Variants in KAT6B observed in about 807,000 individuals in gnomAD.
The protein encoded by KAT6B is histone acetyltransferase KAT6B.
A neutral mutation model predicts 187.5 loss-of-function variants in KAT6B; 10 were observed. The observed-to-expected ratio is 0.05, with a 90% CI of 0.03 to 0.09. KAT6B has a LOEUF of 0.09. Among genes scored for constraint, KAT6B ranks in the 10% least tolerant of loss-of-function variants. The pLI, the probability that KAT6B is intolerant of heterozygous loss-of-function variation, is 1.00. For missense variants in KAT6B, 1,952 were observed against 2,558.9 expected, an observed-to-expected ratio of 0.76 and a Z score of 5.12; for synonymous variants, 861 against 926.8, an observed-to-expected ratio of 0.93 and a Z score of 1.29.
At chr10:74,979,798 G>A (rs913349590) in intron 10 of KAT6B, among the ~76,000 whole-genome samples, 1 of 152,168 alleles carries the variant, frequency 6.6e-6, no homozygotes, top group African/African-American at 2.4e-5. Flanking sequence ...AAAAATGGGA[G>A]AAAGTAAGTG....
In KAT6B at chr10:74,852,775, T is replaced by C. The variant is rs184713504; in HGVS notation, c.621+9297T>C. On this transcript the variant is annotated intron_variant, in intron 3 of 17. Transcript: ENST00000287239. ...AATGTTAAACATTCTTTTAACTCTTTGGATCTTAGATAGATTTGATAGTTG... is the reference window on the plus strand; with the variant it reads ...AATGTTAAACATTCTTTTAACTCTTCGGATCTTAGATAGATTTGATAGTTG... 2.4e-4 allele frequency among the ~76,000 whole-genome samples: 37 copies of C among 152,350 alleles called. No homozygotes were observed. The East Asian group carries it at 7.1e-3, about 29-fold the overall frequency.
intron 3 of KAT6B, among the ~76,000 whole-genome samples, chr10:74,909,724 C>T (rs2132887879): frequency 6.6e-6 from 1 of 152,246 alleles, no homozygotes; most frequent in Non-Finnish European, 1.5e-5. Flanking sequence ...CTACAGCAGA[C>T]CTAAATTTCT....
chr10:75,030,987 G>A lies in KAT6B; in HGVS notation c.6163G>A (p.Gly2055Ser), dbSNP rs201636977. The change falls in exon 18 of 18, where the codon GGC (glycine) becomes AGC (serine). Residue 2055 changes from glycine (G) to serine (S), a missense_variant. Around this residue, in one of 9 missense-constraint regions of KAT6B, gnomAD observed 358 missense variants for 436.3 expected, o/e 0.82. Transcript: ENST00000287239. This position sits in a 1 kb window ranked among gnomAD's most constrained non-coding sequence, Gnocchi z 4.8. ...GATGTACACGGCCCCCGGACATCAC[G>A]GCTACATGAACACAGGCATGTCCAA... ...NMMYTAPGHHGYMNTGMSKQS... is the reference protein window; with the variant it reads ...NMMYTAPGHHSYMNTGMSKQS... The A allele has an allele frequency of 5.6e-6, 9 of 1,614,078 alleles. No homozygotes were observed. Among genetic ancestry groups the A allele is most frequent in the East Asian group, 4.5e-5 (2 of 44,886 alleles).
At chr10:74,944,913 C>T (rs1850006672) in intron 3 of KAT6B, among the ~76,000 whole-genome samples, 1 of 150,962 alleles carries the variant, frequency 6.6e-6, no homozygotes, top group Non-Finnish European at 1.5e-5. Flanking sequence ...AATACCATAC[C>T]AAGTGCAACT....
At chr10:74,847,371 A>AT (rs749237731) in intron 3 of KAT6B, among the ~76,000 whole-genome samples, 55 of 152,184 alleles carry the variant, frequency 3.6e-4, no homozygotes, top group Non-Finnish European at 7.6e-4. Context: ...ATGAAATAGC[A>AT]TTTTTTTCCA....
chr10:74,890,012 T>C (rs1014971348), intron 3 of KAT6B, among the ~76,000 whole-genome samples: 1 of 151,716 alleles, frequency 6.6e-6, no homozygotes, highest in African/African-American at 2.4e-5. Context: ...AGCTGGTCAC[T>C]GTAGGAAAGG....
chr10:75,021,980 T>C lies in KAT6B; in HGVS notation c.3121T>C (p.Ser1041Pro). 6.2e-7 allele frequency: 1 copy of C among 1,613,868 alleles called. No homozygotes were observed. Among genetic ancestry groups the C allele is most frequent in the Non-Finnish European group, 8.5e-7 (1 of 1,179,982 alleles). ...TAGGCAATCACCTGCAAAAGTACAA[T>C]CGAAAAATAAATATTTGCATTCCCC... ...NSRQSPAKVQ[S>P]KNKYLHSPES... The change falls in exon 16 of 18, where the codon TCG becomes CCG. Residue 1041 changes from serine (S) to proline (P), a missense_variant. By Grantham distance (74) the Ser-to-Pro change is moderately conservative. Transcript: ENST00000287239.
intron 13 of KAT6B, among the ~76,000 whole-genome samples, chr10:74,997,849 C>T (rs1475205398): frequency 3.3e-5 from 5 of 151,946 alleles, no homozygotes; most frequent in African/African-American, 7.3e-5. Flanking sequence ...CAGTGGCTCA[C>T]GCCTGTAATC....
At chr10:74,974,571 G>A (rs1351418354) in intron 7 of KAT6B, among the ~76,000 whole-genome samples, 4 of 152,186 alleles carry the variant, frequency 2.6e-5, no homozygotes, top group Admixed American at 6.5e-5. Flanking sequence ...GTAAGCAGCT[G>A]TGTTAGCGAG....
chr10:74,851,664 A>C (rs151125091), intron 3 of KAT6B, among the ~76,000 whole-genome samples: 1 of 152,288 alleles, frequency 6.6e-6, no homozygotes, highest in Admixed American at 6.5e-5. Context: ...TCAGATGATC[A>C]GAAATGGGGT....
In KAT6B at chr10:74,842,884, T is replaced by C. The variant is rs1230075335; in HGVS notation, c.27T>C (p.Tyr9=). ...TGGTAAAACTTGCAAACCCACTTTA[T>C]ACAGAGTGGATTCTTGAAGCTATAC... MVKLANPL[Y]TEWILEAIQK... is the part of the protein sequence containing the mutation. The change falls in exon 3 of 18, where the codon TAT becomes TAC. Residue 9 remains tyrosine, a synonymous_variant. Transcript: ENST00000287239. 9.3e-6 allele frequency: 15 copies of C among 1,614,100 alleles called. No individual in the cohort carries two copies. The highest frequency in any genetic ancestry group is 1.0e-5 in the Non-Finnish European group (12 of 1,180,050).
At chr10:74,939,679 G>C (rs372453841) in intron 3 of KAT6B, among the ~76,000 whole-genome samples, 30 of 152,208 alleles carry the variant, frequency 2.0e-4, no homozygotes, top group African/African-American at 7.2e-4. Flanking sequence ...GATTACAGGC[G>C]TGAGCCACTG....
chr10:74,862,771 C>G (rs1299905037), intron 3 of KAT6B, among the ~76,000 whole-genome samples: 1 of 152,118 alleles, frequency 6.6e-6, no homozygotes, highest in Non-Finnish European at 1.5e-5. Context: ...TAGCACTGAC[C>G]ACACTGGGAT....
chr10:74,874,774 T>C (rs1439851803), intron 3 of KAT6B, among the ~76,000 whole-genome samples: 1 of 152,120 alleles, frequency 6.6e-6, no homozygotes, highest in Admixed American at 6.6e-5. Flanking sequence ...AGTTACTTCT[T>C]TGTGTGAGAT....
At chr10:74,938,613 A>C (rs993886473) in intron 3 of KAT6B, among the ~76,000 whole-genome samples, 2 of 152,200 alleles carry the variant, frequency 1.3e-5, no homozygotes, top group African/African-American at 4.8e-5. Context: ...TGAATATGGA[A>C]AGGAATACTG....
rs529021120 is a variant in KAT6B at position 74,829,891 on chromosome 10, G to A, written c.-329+3106G>A. 8.6e-5 allele frequency among the ~76,000 whole-genome samples: 13 copies of A among 151,546 alleles called. No individual in the cohort carries two copies. In the South Asian group the frequency reaches 2.7e-3, roughly 32 times the overall value. On this transcript the variant is annotated intron_variant, in intron 1 of 17. Transcript: ENST00000287239. ...AAATTAGCTGGGCATGGTGGCGGGC[G>A]CCTGTAGTCCCAGCTGCTCAGGAGG...
At chr10:74,830,770 T>TA (rs60886313) in intron 1 of KAT6B, among the ~76,000 whole-genome samples, 69 of 9,596 alleles carry the variant, frequency 7.2e-3, no homozygotes, top group Non-Finnish European at 0.013. Context: ...ATATATATAT[T>TA]TTTTTTTTTT....
intron 3 of KAT6B, among the ~76,000 whole-genome samples, chr10:74,869,360 C>T (rs1000000054): frequency 1.3e-5 from 2 of 151,910 alleles, no homozygotes; most frequent in Admixed American, 6.6e-5. Context: ...TGCAGCGGTG[C>T]GATCTCCCCT....
intron 13 of KAT6B, among the ~76,000 whole-genome samples, chr10:75,019,131 T>C (rs1056988678): frequency 3.3e-5 from 5 of 152,228 alleles, no homozygotes; most frequent in African/African-American, 1.2e-4. Flanking sequence ...AAAGCCCCAA[T>C]CTGCTGCCAA....
Sources: allele counts gnomAD v4.1 joint callset (sites outside exome capture counted in the v4.1 genomes callset), GRCh38; gene constraint gnomAD v4.1.1; regional missense constraint gnomAD v4.1.1; non-coding constraint Gnocchi (gnomAD v3.1); transcripts MANE v1.5; gene names NCBI Gene and HGNC (gene_info 2026-07-23, HGNC 2026-07-21).